ROBO2: variants seen among roughly 807,000 people sequenced by gnomAD.
ROBO2 encodes roundabout homolog 2.
A neutral mutation model predicts 160.8 loss-of-function variants in ROBO2; 53 were observed. That is an observed-to-expected ratio of 0.33 (90% CI 0.26 to 0.41). The LOEUF (loss-of-function observed/expected upper bound fraction) is 0.41, where lower values mean the gene tolerates loss of function less well. ROBO2 is among the 10% of genes least tolerant of loss of function. ROBO2 has a pLI of 1.00. For missense variants in ROBO2, 1,577 were observed against 1,722.4 expected (o/e 0.92, Z 1.49); for synonymous variants, 664 against 611.7 (o/e 1.09, Z -1.26).
chr3:76,634,147 T>A (rs58635595), intron 2 of ROBO2, among the ~76,000 whole-genome samples: 4,417 of 152,240 alleles, frequency 0.029, 218 homozygotes, highest in African/African-American at 0.1. Context: ...AAAATCAAGG[T>A]TGAATTTCTT....
intron 2 of ROBO2, among the ~76,000 whole-genome samples, chr3:76,902,781 A>G (rs2075324609): frequency 6.6e-6 from 1 of 151,982 alleles, no homozygotes; most frequent in Non-Finnish European, 1.5e-5. Context: ...TTTATTTGGT[A>G]TTGTAAGCAT....
intron 2 of ROBO2, among the ~76,000 whole-genome samples, chr3:77,375,038 G>T (rs2072433218): frequency 6.6e-6 from 1 of 152,040 alleles, no homozygotes; most frequent in African/African-American, 2.4e-5. Flanking sequence ...GCAAGACCCT[G>T]TCTCTACAAA....
chr3:77,341,526 T>G (rs2067059466), intron 2 of ROBO2, among the ~76,000 whole-genome samples: 1 of 152,132 alleles, frequency 6.6e-6, no homozygotes. Flanking sequence ...GTCCCATAGT[T>G]GATGGGAACT....
intron 2 of ROBO2, among the ~76,000 whole-genome samples, chr3:77,015,782 A>G (rs545917049): frequency 1.2e-4 from 19 of 152,238 alleles, no homozygotes; most frequent in Non-Finnish European, 1.9e-4. Context: ...CAGGCCCACA[A>G]TTTGAAGAAC....
At chr3:76,463,665 T>C (rs1423663755) in intron 2 of ROBO2, among the ~76,000 whole-genome samples, 1 of 152,158 alleles carries the variant, frequency 6.6e-6, no homozygotes, top group Non-Finnish European at 1.5e-5. Context: ...GTTGCCCCAG[T>C]GCCTAATCTA....
intron 2 of ROBO2, among the ~76,000 whole-genome samples, chr3:76,574,547 A>G (rs903489721): frequency 1.3e-5 from 2 of 152,168 alleles, no homozygotes; most frequent in African/African-American, 4.8e-5. Flanking sequence ...GAACAAATGT[A>G]TCATCACTGA....
At chr3:77,298,344 C>T (rs1375925906) in intron 2 of ROBO2, among the ~76,000 whole-genome samples, 2 of 152,280 alleles carry the variant, frequency 1.3e-5, no homozygotes, top group East Asian at 3.9e-4. Flanking sequence ...TTATGCCTTT[C>T]ACCTCCATGA....
chr3:76,843,955 A>G (rs1273636451), intron 2 of ROBO2, among the ~76,000 whole-genome samples: 2 of 152,180 alleles, frequency 1.3e-5, no homozygotes, highest in Non-Finnish European at 2.9e-5. Context: ...TTTTAGGTGC[A>G]GAAAATAAGG....
At chr3:77,318,516 C>T (rs901999288) in intron 2 of ROBO2, among the ~76,000 whole-genome samples, 3 of 152,140 alleles carry the variant, frequency 2.0e-5, no homozygotes, top group African/African-American at 7.2e-5. Flanking sequence ...TATGTCTGTT[C>T]TGGAATATTA....
chr3:76,345,054 C>T (rs1337830207), intron 2 of ROBO2, among the ~76,000 whole-genome samples: 1 of 152,088 alleles, frequency 6.6e-6, no homozygotes, highest in Non-Finnish European at 1.5e-5. Context: ...AACTCCTGAG[C>T]GCCACTGCCT....
intron 2 of ROBO2, among the ~76,000 whole-genome samples, chr3:76,544,640 TGAA>T (rs1359519906): frequency 6.6e-6 from 1 of 152,042 alleles, no homozygotes; most frequent in Non-Finnish European, 1.5e-5. Flanking sequence ...TAGTACACTG[TGAA>T]GAAGGACACA....
intron 2 of ROBO2, among the ~76,000 whole-genome samples, chr3:76,837,806 T>C (rs1181292235): frequency 4.6e-5 from 7 of 152,022 alleles, no homozygotes. Flanking sequence ...TGCCATACTA[T>C]CTAATATACA....
intron 2 of ROBO2, among the ~76,000 whole-genome samples, chr3:76,558,163 TTGGCAAGTGGAATTCATA>T (rs1335960414): frequency 2.0e-5 from 3 of 152,082 alleles, no homozygotes; most frequent in African/African-American, 7.2e-5. Flanking sequence ...AATAAACTCT[TTGGCAAGTGGAATTCATA>T]TTCCCGTGTG....
intron 2 of ROBO2, among the ~76,000 whole-genome samples, chr3:76,449,254 T>C (rs964891481): frequency 6.6e-6 from 1 of 152,080 alleles, no homozygotes; most frequent in South Asian, 2.1e-4. Flanking sequence ...TATCCAAAAA[T>C]GAAAATTAAA....
At chr3:77,505,550 G>A (rs906217762) in intron 5 of ROBO2, among the ~76,000 whole-genome samples, 1 of 152,022 alleles carries the variant, frequency 6.6e-6, no homozygotes, top group African/African-American at 2.4e-5. Flanking sequence ...GTGAGATTTA[G>A]TAGTATTTTT....
chr3:76,276,925 G>T (rs1459983254), intron 2 of ROBO2, among the ~76,000 whole-genome samples: 1 of 151,852 alleles, frequency 6.6e-6, no homozygotes, highest in Non-Finnish European at 1.5e-5. Flanking sequence ...TTATCTCGGG[G>T]ATGGGACCCA....
intron 2 of ROBO2, among the ~76,000 whole-genome samples, chr3:76,972,647 A>G (rs2059627536): frequency 6.6e-6 from 1 of 152,048 alleles, no homozygotes; most frequent in Non-Finnish European, 1.5e-5. Flanking sequence ...GCGTGAACCT[A>G]GGTGCTTGAG....
At chr3:76,931,805 C>A (rs996499879) in intron 2 of ROBO2, among the ~76,000 whole-genome samples, 1 of 152,012 alleles carries the variant, frequency 6.6e-6, no homozygotes, top group Admixed American at 6.6e-5. Context: ...CCTCAGTCTC[C>A]GAGAACCTGG....
chr3:76,275,656 A>C (rs1707875594), intron 2 of ROBO2, among the ~76,000 whole-genome samples: 1 of 152,180 alleles, frequency 6.6e-6, no homozygotes, highest in African/African-American at 2.4e-5. Context: ...ATTAGTTCAT[A>C]ATTAAGTACA....
Sources: gnomAD v4.1 joint callset for allele counts (sites outside exome capture counted in the v4.1 genomes callset) on GRCh38, gnomAD v4.1.1 for gene constraint, MANE v1.5 for transcripts, NCBI Gene and HGNC (gene_info 2026-07-23, HGNC 2026-07-21) for gene names.